The following RASGRF1 variants were observed in gnomAD, a reference collection of about 807,000 sequenced individuals.
The protein encoded by RASGRF1 is ras-specific guanine nucleotide-releasing factor 1.
A neutral mutation model predicts 138.7 loss-of-function variants in RASGRF1; 40 were observed. The ratio of observed to expected loss-of-function variants is 0.29; its 90% CI spans 0.22 to 0.38. RASGRF1 has a LOEUF of 0.38. Among genes scored for constraint, RASGRF1 ranks in the 10% least tolerant of loss-of-function variants. The pLI, the probability that RASGRF1 is intolerant of heterozygous loss-of-function variation, is 1.00. For synonymous variants in RASGRF1, 614 were observed against 663.2 expected (o/e 0.93, Z 1.14); for missense variants, 1,108 against 1,650.4 (o/e 0.67, Z 5.69).
chr15:79,071,467 C>G (rs2057754554), intron 1 of RASGRF1, among the ~76,000 whole-genome samples: 1 of 151,636 alleles, frequency 6.6e-6, no homozygotes, highest in South Asian at 2.1e-4. Flanking sequence ...TCAAGTGATT[C>G]TCCTGCCTCA....
At chr15:78,979,100 G>A (rs2055957163) in intron 24 of RASGRF1, 3 of 1,289,882 alleles carry the variant, frequency 2.3e-6, no homozygotes, top group Admixed American at 2.3e-5. Flanking sequence ...GGACAAGTTG[G>A]TGAATGCACG....
intron 26 of RASGRF1, among the ~76,000 whole-genome samples, chr15:78,966,225 A>AT (rs3063545): frequency 0.048 from 5,337 of 110,610 alleles, 431 homozygotes; most frequent in East Asian, 0.35. Flanking sequence ...GAGGACTTAA[A>AT]TTTTTTTTTT....
rs369704806 is a variant in RASGRF1 at position 78,980,609 on chromosome 15, C to T, written c.3494+11G>A. 2.5e-6 allele frequency: 4 copies of T among 1,586,234 alleles called. No individual in the cohort carries two copies. Among genetic ancestry groups the T allele is most frequent in the Non-Finnish European group, 3.5e-6 (4 of 1,155,830 alleles). ...TTTAAAAATAACAGCGACAAAACGA[C>T]ACACACTTACTTTTTCAGAGCTTCT... is the stretch of plus-strand genomic sequence containing the variant. On this transcript the variant is annotated intron_variant, in intron 24 of 26. Transcript: ENST00000558480.
At chr15:79,040,644 C>T (rs78866737) in intron 5 of RASGRF1, among the ~76,000 whole-genome samples, 30,838 of 137,228 alleles carry the variant, frequency 0.22, 3,364 homozygotes, top group Middle Eastern at 0.32. Flanking sequence ...AGAGCGAGAG[C>T]GAGAGCTAGA....
In RASGRF1 at chr15:79,032,092, T is replaced by C. The variant is rs751957529; in HGVS notation, c.1152+31A>G. 6.2e-7 allele frequency: 1 copy of C among 1,603,578 alleles called. No homozygotes were observed. The highest frequency in any genetic ancestry group is 2.2e-5 in the East Asian group (1 of 44,642). On this transcript the variant is annotated intron_variant, in intron 7 of 26. Coordinates refer to ENST00000558480, the MANE Select transcript of RASGRF1 (RefSeq NM_001145648.3). This position sits in a 1 kb window ranked among gnomAD's most constrained non-coding sequence, Gnocchi z 4.5. ...CATCCCCCACACCTGCCTCCCTGACTCTACCCCACCCAGGCAGGGCCGGAC... is the reference window on the plus strand; with the variant it reads ...CATCCCCCACACCTGCCTCCCTGACCCTACCCCACCCAGGCAGGGCCGGAC...
In RASGRF1 at chr15:78,960,186, G is replaced by A. The variant is rs1391415186; in HGVS notation, c.*1958C>T. ...AGATCCCAGCACAAAGTAGGGCTAG[G>A]ATGAAAATGCCTGGAGGAAACGGAA... On this transcript the variant is annotated 3_prime_UTR_variant, in exon 27 of 27. Coordinates refer to ENST00000558480, the MANE Select transcript of RASGRF1 (RefSeq NM_001145648.3). 1.3e-5 allele frequency: 2 copies of A among 152,324 alleles called. No individual in the cohort carries two copies. Among genetic ancestry groups the A allele is most frequent in the Non-Finnish European group, 2.9e-5 (2 of 68,156 alleles). The allele number at this position is 152,324 out of a possible 1,614,324, so 9.4% of individuals were successfully genotyped here.
chr15:78,962,377 A>G, intron 26 of RASGRF1, 141 bp from the exon 27 acceptor site: 1 of 607,448 alleles, frequency 1.6e-6, no homozygotes, highest in South Asian at 2.0e-5. Flanking sequence ...TGCATTCAGT[A>G]GTGTTCCATC....
In RASGRF1 at chr15:79,027,741, C is replaced by A. The variant is rs911610207; in HGVS notation, c.1381G>T (p.Gly461Cys). ...LDTSQTFVRQGSLIQVPMSEK... is the reference protein window; with the variant it reads ...LDTSQTFVRQCSLIQVPMSEK... ...GGGAGACAGGGTGCAGAGGCCATAC[C>A]TTGTCTCACAAAGGTCTGGCTGGTG... The change falls in exon 9 of 27, where the codon GGT becomes TGT. Residue 461 changes from glycine (G) to cysteine (C), a missense_variant and splice_region_variant. By Grantham distance (159) the Gly-to-Cys change is radical. This residue lies in a region of RASGRF1 where 169 missense variants were observed against 344.2 expected (regional missense o/e 0.49). Coordinates refer to ENST00000558480, the MANE Select transcript of RASGRF1 (RefSeq NM_001145648.3). This position sits in a 1 kb window ranked among gnomAD's most constrained non-coding sequence, Gnocchi z 4.8. 2 of 1,614,052 alleles carry A rather than the reference C, an allele frequency of 1.2e-6. No individual in the cohort carries two copies. The highest frequency in any genetic ancestry group is 1.7e-6 in the Non-Finnish European group (2 of 1,180,000).
intron 5 of RASGRF1, 31 bp from the exon 6 acceptor site, chr15:79,035,241 C>A (rs75026012): frequency 6.4e-7 from 1 of 1,569,838 alleles, no homozygotes. Context: ...TCAGCTCTGC[C>A]CCAGGGACTT....
At chr15:78,986,033 A>T (rs1432766436) in intron 22 of RASGRF1, 1 of 152,324 alleles carries the variant, frequency 6.6e-6, no homozygotes, top group East Asian at 1.9e-4. Flanking sequence ...AAGTAATTCC[A>T]AAGTTCATCT....
intron 20 of RASGRF1, among the ~76,000 whole-genome samples, 156 bp from the exon 21 acceptor site, chr15:78,991,950 A>T (rs2056278325): frequency 6.6e-6 from 1 of 151,998 alleles, no homozygotes; most frequent in Non-Finnish European, 1.5e-5. Context: ...GGGTGGATGG[A>T]GTATGATGAG....
chr15:79,030,198 C>A (rs2057117109), intron 8 of RASGRF1, among the ~76,000 whole-genome samples: 1 of 152,180 alleles, frequency 6.6e-6, no homozygotes, highest in Non-Finnish European at 1.5e-5. Flanking sequence ...GGAGCTGTGG[C>A]CTGGTTGGCT....
intron 26 of RASGRF1, 80 bp downstream of exon 26, chr15:78,971,786 A>C: frequency 2.3e-6 from 3 of 1,283,366 alleles, no homozygotes; most frequent in Non-Finnish European, 2.3e-6. Context: ...GTGGACGGGT[A>C]TGGAGGGGAC....
At chr15:79,072,168 G>A (rs376877197) in intron 1 of RASGRF1, among the ~76,000 whole-genome samples, 2 of 150,910 alleles carry the variant, frequency 1.3e-5, no homozygotes, top group African/African-American at 4.8e-5. Flanking sequence ...TAGCTGGAGA[G>A]AACTGAGGAG....
chr15:78,970,202 G>A (rs1424315957), intron 26 of RASGRF1, among the ~76,000 whole-genome samples: 1 of 152,120 alleles, frequency 6.6e-6, no homozygotes, highest in Non-Finnish European at 1.5e-5. Flanking sequence ...TTAAGATGCT[G>A]TATCTCTGGG....
At position 79,015,407 on chromosome 15, in the gene RASGRF1, ACACTGGAAT is replaced by A; in HGVS notation, c.1744-7_1745del. On this transcript the variant is annotated splice_acceptor_variant and splice_polypyrimidine_tract_variant and coding_sequence_variant and intron_variant, in exon 13 of 27. Transcript: ENST00000558480. LOFTEE classifies it high-confidence loss of function. ...GCCCATTGCATCGGATGTTATCCAC[ACACTGGAAT>A]CAGAGAGAGGACCCCAGGGTCAGAG... is the stretch of plus-strand genomic sequence containing the variant. The A allele has an allele frequency of 6.2e-7, 1 of 1,613,300 alleles. No individual in the cohort carries two copies. Among genetic ancestry groups the A allele is most frequent in the Non-Finnish European group, 8.5e-7 (1 of 1,179,194 alleles).
chr15:79,061,039 G>A (rs1412585666), intron 2 of RASGRF1, among the ~76,000 whole-genome samples: 2 of 152,170 alleles, frequency 1.3e-5, no homozygotes, highest in African/African-American at 4.8e-5. Flanking sequence ...AGAAATCTGA[G>A]GCTGGAGAGT....
chr15:79,031,996 C>T, intron 7 of RASGRF1, 127 bp downstream of exon 7: 2 of 1,188,616 alleles, frequency 1.7e-6, no homozygotes, highest in South Asian at 1.6e-5. Context: ...CTGGCCCTGA[C>T]CACCTCCCCC....
intron 1 of RASGRF1, 33 bp downstream of exon 1, chr15:79,090,190 C>A (rs143444827): frequency 0.012 from 18,297 of 1,560,010 alleles, 134 homozygotes; most frequent in Non-Finnish European, 0.013. Flanking sequence ...GCGGCCGGGA[C>A]GCAGGGAGGT....
Sources: gnomAD v4.1 joint callset for allele counts (sites outside exome capture counted in the v4.1 genomes callset) on GRCh38, gnomAD v4.1.1 for gene constraint, gnomAD v4.1.1 regional missense constraint, Gnocchi (gnomAD v3.1) non-coding constraint, MANE v1.5 for transcripts, NCBI Gene and HGNC (gene_info 2026-07-23, HGNC 2026-07-21) for gene names.